FHL1: variants seen among roughly 807,000 people sequenced by gnomAD.
The protein encoded by FHL1 is four and a half LIM domains protein 1.
FHL1 carries 1 observed loss-of-function variant against 20.3 expected under a neutral mutation model. The ratio of observed to expected loss-of-function variants is 0.05; its 90% CI spans 0.02 to 0.23. The LOEUF (loss-of-function observed/expected upper bound fraction) is 0.23. FHL1 is among the 10% of genes least tolerant of loss of function. FHL1 has a pLI of 1.00. For missense variants in FHL1, 177 were observed against 234.0 expected (o/e 0.76, Z 1.59); for synonymous variants, 82 against 88.9 (o/e 0.92, Z 0.44).
chrX:136,192,911 T>C (rs756951635), upstream of FHL1, among the ~76,000 whole-genome samples: 38 of 111,999 alleles, frequency 3.4e-4, no homozygotes, highest in East Asian at 1.1e-3. Context: ...GAGCTCAACA[T>C]TGAATCACAT....
In FHL1 at chrX:136,186,853, C is replaced by CA. The variant is rs1158651934; in HGVS notation, c.-27+16886dup. ...TGGGCGACAGAGCGAGACTCCATCT[C>CA]AAAAAAAAAAAAATATATATATATA... On this transcript the variant is annotated intron_variant, in intron 2 of 6. Transcript: ENST00000394153. 3.7e-3 allele frequency among the ~76,000 whole-genome samples: 79 copies of CA among 21,552 alleles called. 1 individual carries two copies. Among genetic ancestry groups the CA allele is most frequent in the South Asian group, 0.01 (2 of 192 alleles). The allele number at this position is 21,552 out of a possible 115,157, so 18.7% of individuals were successfully genotyped here. A position where few individuals can be genotyped will look rare whatever the true frequency, so the allele number is the denominator to read the frequency against.
chrX:136,172,534 C>T (rs2072899647), intron 2 of FHL1, among the ~76,000 whole-genome samples: 1 of 112,239 alleles, frequency 8.9e-6, no homozygotes, highest in Admixed American at 9.4e-5. Context: ...ATGATTTATG[C>T]CACTTCCATA....
Position 136,210,304 on chromosome X carries a change from G to C in FHL1, c.*279G>C, listed in dbSNP as rs1426863968. ...TTGACTCTTCTGCATGTTTCTCATAGAGCAGAAAAGTGCTAATCATTTAGC... is the reference window on the plus strand; with the variant it reads ...TTGACTCTTCTGCATGTTTCTCATACAGCAGAAAAGTGCTAATCATTTAGC... On this transcript the variant is annotated 3_prime_UTR_variant, in exon 6 of 6. Transcript: ENST00000370683. 9.0e-6 allele frequency: 4 copies of C among 446,373 alleles called. No individual in the cohort carries two copies. Among genetic ancestry groups the C allele is most frequent in the East Asian group, 8.9e-5 (2 of 22,375 alleles). 36.8% of individuals were successfully genotyped at this position (446,373 alleles called of 1,213,427 possible).
At chrX:136,179,377 G>T (rs746443436) in intron 2 of FHL1, among the ~76,000 whole-genome samples, 1 of 111,877 alleles carries the variant, frequency 8.9e-6, no homozygotes, top group Non-Finnish European at 1.9e-5. Context: ...CAGCTCTGCC[G>T]TTTGAACTGT....
At chrX:136,175,165 T>A (rs1469838728) in intron 2 of FHL1, among the ~76,000 whole-genome samples, 1 of 111,968 alleles carries the variant, frequency 8.9e-6, no homozygotes, top group Non-Finnish European at 1.9e-5. Context: ...AATTATCCAA[T>A]TGATAGATGG....
upstream of FHL1, among the ~76,000 whole-genome samples, chrX:136,165,086 A>G (rs1027221364): frequency 2.7e-5 from 3 of 112,108 alleles, no homozygotes; most frequent in African/African-American, 6.5e-5. Flanking sequence ...TATATAGAGG[A>G]TATCACCAGA....
chrX:136,182,166 A>G (rs1051660353), intron 2 of FHL1, among the ~76,000 whole-genome samples: 1 of 112,210 alleles, frequency 8.9e-6, no homozygotes, highest in Non-Finnish European at 1.9e-5. Flanking sequence ...CCCCTAAAAA[A>G]GAGGGGATAC....
At chrX:136,169,747 C>T (rs2072809282) in intron 1 of FHL1, 1 of 327,470 alleles carries the variant, frequency 3.1e-6, no homozygotes, top group Admixed American at 3.1e-5. Flanking sequence ...TGCAGAACAT[C>T]TTGGCAGTTT....
Position 136,150,982 on chromosome X carries a change from A to C in FHL1, c.-101+3354A>C, listed in dbSNP as rs188677593. Among the ~76,000 whole-genome samples the C allele has an allele frequency of 4.9e-3, 547 of 112,526 alleles. 8 individuals carry two copies. Among genetic ancestry groups the C allele is most frequent in the African/African-American group, 0.016 (506 of 31,018 alleles). Reference sequence around the variant, plus strand: ...TCCCCAAAATATTTTTCTGGGGTCAACTTTGAATTATGGATAGTAATGGAT... The same window carrying C: ...TCCCCAAAATATTTTTCTGGGGTCACCTTTGAATTATGGATAGTAATGGAT... On this transcript the variant is annotated intron_variant, in intron 1 of 7. Coordinates refer to the FHL1 transcript ENST00000394155.
chrX:136,207,376 C>T (rs762601039), intron 3 of FHL1, 186 bp downstream of exon 3: 55 of 457,142 alleles, frequency 1.2e-4, no homozygotes, highest in Admixed American at 4.5e-4. Context: ...CGCACACACT[C>T]GGAGACTAAA....
intron 1 of FHL1, chrX:136,148,740 T>G (rs974245033): frequency 1.8e-5 from 2 of 112,124 alleles, no homozygotes; most frequent in African/African-American, 3.2e-5. Context: ...TTTCTCAGGT[T>G]TGTTTTGATT....
intron 2 of FHL1, among the ~76,000 whole-genome samples, chrX:136,173,563 AAT>A (rs2072925678): frequency 8.9e-6 from 1 of 112,273 alleles, no homozygotes; most frequent in Non-Finnish European, 1.9e-5. Context: ...AGCATTTAAA[AAT>A]TGAAAGGTTT....
At chrX:136,193,471 G>A (rs1239579744), upstream of FHL1, among the ~76,000 whole-genome samples, 1 of 111,756 alleles carries the variant, frequency 8.9e-6, no homozygotes, top group African/African-American at 3.3e-5. Flanking sequence ...GTTCTCTCTC[G>A]CTCCTTGATA....
chrX:136,186,661 T>C (rs2073295990), intron 2 of FHL1, among the ~76,000 whole-genome samples: 1 of 110,149 alleles, frequency 9.1e-6, no homozygotes, highest in Non-Finnish European at 1.9e-5. Context: ...GAGAGCAGCC[T>C]GGCCAACATG....
intron 2 of FHL1, among the ~76,000 whole-genome samples, chrX:136,183,025 A>G (rs1473071979): frequency 9.3e-6 from 1 of 107,295 alleles, no homozygotes; most frequent in Non-Finnish European, 1.9e-5. Flanking sequence ...TGAACTCGGG[A>G]GGCAGAGGTT....
chrX:136,204,051 G>A (rs1022948981), intron 1 of FHL1, among the ~76,000 whole-genome samples: 6 of 112,515 alleles, frequency 5.3e-5, no homozygotes, highest in Admixed American at 1.9e-4. Context: ...GAGAATGAGG[G>A]ATTTTCAAAT....
At chrX:136,200,032 T>G (rs1201275136) in intron 1 of FHL1, among the ~76,000 whole-genome samples, 1 of 112,578 alleles carries the variant, frequency 8.9e-6, no homozygotes, top group Non-Finnish European at 1.9e-5. Context: ...AGCCAAAACT[T>G]TTAATTAAGA....
At position 136,209,364 on chromosome X, in the gene FHL1, G is replaced by A; in HGVS notation, c.737-507G>A. Reference sequence around the variant, plus strand: ...GCGCCAACCTCCGGGGCAGGCATCCGGGTGGAGAGAGGACTTGTCCCTCGT... The same window carrying A: ...GCGCCAACCTCCGGGGCAGGCATCCAGGTGGAGAGAGGACTTGTCCCTCGT... On this transcript the variant is annotated intron_variant, in intron 5 of 5. Coordinates refer to ENST00000370683, the MANE Select transcript of FHL1 (RefSeq NM_001159699.2). 7 of 1,211,346 alleles carry A rather than the reference G, an allele frequency of 5.8e-6. No homozygotes were observed. The highest frequency in any genetic ancestry group is 3.0e-5 in the East Asian group (1 of 33,808).
chrX:136,206,884 T>C (rs1014953490), intron 2 of FHL1, 132 bp from the exon 3 acceptor site: 11 of 709,435 alleles, frequency 1.6e-5, no homozygotes, highest in Middle Eastern at 9.3e-4. Context: ...ATAGTCACTG[T>C]GGGGCAGTCC....
Sources: gnomAD v4.1 joint callset for allele counts (sites outside exome capture counted in the v4.1 genomes callset) on GRCh38, gnomAD v4.1.1 for gene constraint, MANE v1.5 for transcripts, NCBI Gene and HGNC (gene_info 2026-07-23, HGNC 2026-07-21) for gene names.